The following CABIN1 variants were observed in gnomAD, a reference collection of about 807,000 sequenced individuals.
The protein encoded by CABIN1 is calcineurin binding protein 1, also known as calcineurin-binding protein cabin-1.
In CABIN1, 133 loss-of-function variants were observed where a neutral mutation model predicts 227.7. The ratio of observed to expected loss-of-function variants is 0.58; its 90% CI spans 0.51 to 0.67. The LOEUF is 0.67. Among genes scored for constraint, CABIN1 ranks in the 30% least tolerant of loss-of-function variants. The probability of loss-of-function intolerance (pLI) is 0.00; values close to 1 mark genes in which losing one functional copy is unlikely to be tolerated. For missense variants in CABIN1, 2,408 were observed against 2,852.5 expected (o/e 0.84, Z 3.55); for synonymous variants, 1,086 against 1,155.1 (o/e 0.94, Z 1.21).
chr22:24,025,186 T>TGAGG (rs1166441726), intron 1 of CABIN1, among the ~76,000 whole-genome samples: 3 of 152,222 alleles, frequency 2.0e-5, no homozygotes, highest in African/African-American at 7.2e-5. Flanking sequence ...TTTTTCTTGT[T>TGAGG]GAGGGCTGCA....
chr22:24,087,344 G>A, intron 22 of CABIN1, 108 bp from the exon 23 acceptor site: 1 of 1,430,194 alleles, frequency 7.0e-7, no homozygotes, highest in Non-Finnish European at 9.6e-7. Flanking sequence ...GCCCTGGTGT[G>A]GGAAGGGAGT....
intron 12 of CABIN1, 111 bp downstream of exon 12, chr22:24,060,252 C>T: frequency 9.5e-7 from 1 of 1,051,622 alleles, no homozygotes; most frequent in Non-Finnish European, 1.4e-6. Context: ...TACTTGTGGG[C>T]CTGGAACCTG....
chr22:24,076,333 G>T, intron 19 of CABIN1, 49 bp downstream of exon 19: 1 of 1,492,680 alleles, frequency 6.7e-7, no homozygotes. Context: ...GGCAGGGCTG[G>T]GGTGGGAGGT....
chr22:24,034,511 G>A (rs1283371717), intron 1 of CABIN1, among the ~76,000 whole-genome samples: 1 of 152,056 alleles, frequency 6.6e-6, no homozygotes, highest in Non-Finnish European at 1.5e-5. Flanking sequence ...TCATCAGTTG[G>A]TGGACATTTA....
At chr22:24,119,285 C>A in intron 27 of CABIN1, 82 bp from the exon 28 acceptor site, 3 of 1,199,266 alleles carry the variant, frequency 2.5e-6, no homozygotes, top group Non-Finnish European at 3.7e-6. Flanking sequence ...TTCACCAAGG[C>A]GCCTCCGTTA....
Position 24,142,922 on chromosome 22 carries a change from C to T in CABIN1, c.4746+8507C>T, listed in dbSNP as rs116954205. Among the ~76,000 whole-genome samples, 1,065 of 152,264 alleles carry T rather than the reference C, an allele frequency of 7.0e-3. 7 individuals are homozygous for T. The highest frequency in any genetic ancestry group is 0.012 in the Non-Finnish European group (835 of 68,024). On this transcript the variant is annotated intron_variant, in intron 29 of 36. Transcript: ENST00000263119. ...ATATCACCTTCTCCCCTCTCAGGAC[C>T]AGTTGTGACCAATTTTCATGCCACC...
rs374089353 is a variant in CABIN1 at position 24,148,871 on chromosome 22, G to A, written c.4746+14456G>A. Among the ~76,000 whole-genome samples the A allele has an allele frequency of 3.3e-5, 5 of 152,288 alleles. No individual in the cohort carries two copies. In the East Asian group the frequency reaches 7.7e-4, roughly 24 times the overall value. On this transcript the variant is annotated intron_variant, in intron 29 of 36. Transcript: ENST00000263119. Reference sequence around the variant, plus strand: ...GGCTCTCCTCTGCCCTGCCACCAGCGGCCATCCCAGAGAAGTCAACCCTTA... The same window carrying A: ...GGCTCTCCTCTGCCCTGCCACCAGCAGCCATCCCAGAGAAGTCAACCCTTA...
At chr22:24,111,823 G>C (rs964353129) in intron 26 of CABIN1, among the ~76,000 whole-genome samples, 4 of 152,202 alleles carry the variant, frequency 2.6e-5, no homozygotes, top group African/African-American at 9.6e-5. Flanking sequence ...CTAGTGACCT[G>C]TTTTCAAGTT....
intron 7 of CABIN1, among the ~76,000 whole-genome samples, chr22:24,049,569 C>T (rs1360062278): frequency 1.3e-5 from 2 of 152,182 alleles, no homozygotes; most frequent in Admixed American, 6.5e-5. Context: ...CAGTGCTGCC[C>T]GAGTTCAGTG....
chr22:24,016,321 C>G (rs1196042826), intron 1 of CABIN1, among the ~76,000 whole-genome samples: 5 of 152,166 alleles, frequency 3.3e-5, no homozygotes, highest in Non-Finnish European at 7.4e-5. Flanking sequence ...GTCAGTGTTT[C>G]ATTATTTTTA....
intron 27 of CABIN1, among the ~76,000 whole-genome samples, chr22:24,116,969 G>A (rs776952655): frequency 3.9e-5 from 6 of 152,234 alleles, no homozygotes; most frequent in Non-Finnish European, 7.3e-5. Context: ...TTTCTTGGTA[G>A]AAGGAAGTTT....
chr22:24,102,710 A>T (rs1269823817), intron 26 of CABIN1, among the ~76,000 whole-genome samples: 1 of 152,010 alleles, frequency 6.6e-6, no homozygotes, highest in Non-Finnish European at 1.5e-5. Context: ...GGTTGGGGAG[A>T]GGGAGCAGCC....
At chr22:24,111,587 T>A (rs1453901830) in intron 26 of CABIN1, among the ~76,000 whole-genome samples, 1 of 152,216 alleles carries the variant, frequency 6.6e-6, no homozygotes. Context: ...AACTGGCCCC[T>A]GGTGCCAAAA....
At chr22:24,015,648 A>G (rs898333291) in intron 1 of CABIN1, among the ~76,000 whole-genome samples, 21 of 151,698 alleles carry the variant, frequency 1.4e-4, no homozygotes, top group Admixed American at 8.5e-4. Flanking sequence ...CCGGCCCCTC[A>G]TTAATTTTTA....
At position 24,119,696 on chromosome 22, in the gene CABIN1, CG is replaced by C; in HGVS notation, c.4632+1del. 1 of 1,613,730 alleles carries C rather than the reference CG, an allele frequency of 6.2e-7. No individual in the cohort carries two copies. ...CCTCTACACCTACAGCAAGACCCAC[CG>C]GGTGAGTGGCTGCCGGGCCAAGGGG... ...AFLYTYSKTH[R>X]NLQWARDVLL... On this transcript the variant is annotated frameshift_variant and splice_region_variant, in exon 28 of 37. Transcript: ENST00000263119. LOFTEE classifies it high-confidence loss of function.
intron 6 of CABIN1, among the ~76,000 whole-genome samples, chr22:24,043,307 CTTTTTTTT>C (rs745547509): frequency 1.1e-4 from 8 of 71,124 alleles, no homozygotes; most frequent in African/African-American, 4.3e-4. Flanking sequence ...AATGATTTTA[CTTTTTTTT>C]TTTTTTTTTT....
rs900558352 is a variant in CABIN1 at position 24,177,691 on chromosome 22, C to T, written c.6393C>T (p.Asn2131=). The change falls in exon 36 of 37, where the codon AAC becomes AAT. Residue 2131 remains asparagine, a synonymous_variant. Transcript: ENST00000263119. The surrounding 1 kb of genome is among the most constrained non-coding windows in gnomAD (Gnocchi z 4.4). ...PSRAKSRPLP[N]MPKLVIPSAA... ...GGGCTAAGTCCCGCCCCCTGCCCAA[C>T]ATGCCAAAGCTGGTCATCCCCTCCG... is the stretch of plus-strand genomic sequence containing the variant. 10 of 1,613,790 alleles carry T rather than the reference C, an allele frequency of 6.2e-6. No homozygotes were observed. Among genetic ancestry groups the T allele is most frequent in the Non-Finnish European group, 7.6e-6 (9 of 1,179,812 alleles).
intron 23 of CABIN1, among the ~76,000 whole-genome samples, chr22:24,089,399 T>C (rs1363246679): frequency 6.6e-6 from 1 of 152,008 alleles, no homozygotes; most frequent in Non-Finnish European, 1.5e-5. Flanking sequence ...GTGTTGATCT[T>C]ATGGAAGCCA....
At chr22:24,119,280 C>A in intron 27 of CABIN1, 87 bp from the exon 28 acceptor site, 1 of 1,171,420 alleles carries the variant, frequency 8.5e-7, no homozygotes, top group Non-Finnish European at 1.3e-6. Context: ...ATCACTTCAC[C>A]AAGGCGCCTC....
Sources: allele counts gnomAD v4.1 joint callset (sites outside exome capture counted in the v4.1 genomes callset), GRCh38; gene constraint gnomAD v4.1.1; non-coding constraint Gnocchi (gnomAD v3.1); transcripts MANE v1.5; gene names NCBI Gene and HGNC (gene_info 2026-07-23, HGNC 2026-07-21).